XIRP2: variants seen among roughly 807,000 people sequenced by gnomAD.
XIRP2 encodes xin actin-binding repeat-containing protein 2.
Under a neutral mutation model 277.0 loss-of-function variants are expected in XIRP2, and 236 were observed. That is an observed-to-expected ratio of 0.85 (90% CI 0.77 to 0.95). XIRP2 has a LOEUF of 0.95. XIRP2 is among the 40% of genes least tolerant of loss of function. The pLI is 0.00. For missense variants in XIRP2, 4,640 were observed against 4,157.5 expected (o/e 1.12, Z -3.19); for synonymous variants, 1,490 against 1,416.5 (o/e 1.05, Z -1.17).
intron 3 of XIRP2, among the ~76,000 whole-genome samples, chr2:167,141,176 A>G (rs1691707161): frequency 6.6e-6 from 1 of 152,214 alleles, no homozygotes; most frequent in Non-Finnish European, 1.5e-5. Flanking sequence ...CTACCCTGAA[A>G]TTGGAAAAAA....
intron 2 of XIRP2, chr2:167,124,372 G>A (rs1479983355): frequency 6.6e-6 from 1 of 152,100 alleles, no homozygotes; most frequent in Non-Finnish European, 1.5e-5. Flanking sequence ...CCTCTCCCCA[G>A]AGGAGTTAGC....
intron 3 of XIRP2, among the ~76,000 whole-genome samples, chr2:167,165,300 A>G (rs1160651553): frequency 1.3e-5 from 2 of 152,218 alleles, no homozygotes; most frequent in Non-Finnish European, 2.9e-5. Flanking sequence ...TAAACCTGCT[A>G]TGAACATCTA....
chr2:166,967,889 G>A (rs1420470408), intron 2 of XIRP2, among the ~76,000 whole-genome samples: 1 of 151,658 alleles, frequency 6.6e-6, no homozygotes, highest in African/African-American at 2.4e-5. Context: ...TCTACATTTA[G>A]CCAATCTCTT....
At chr2:167,040,723 A>G (rs565576633) in intron 2 of XIRP2, among the ~76,000 whole-genome samples, 5 of 152,164 alleles carry the variant, frequency 3.3e-5, no homozygotes, top group Non-Finnish European at 7.3e-5. Context: ...CCCCTCTACC[A>G]GGGTCCCTGT....
rs1365482308 is a variant in XIRP2 at position 166,903,559 on chromosome 2, G to A, written c.77G>A (p.Cys26Tyr). The change falls in exon 2 of 11, where the codon TGT (cysteine) becomes TAT (tyrosine). Residue 26 changes from cysteine (C) to tyrosine (Y), a missense_variant. Transcript: ENST00000409195. ...TCTTGTGATTATCAGAGAAGTGAGT[G>A]TCATCCCAGGGACAGCCATTGTACA... ...WESCDYQRSE[C>Y]HPRDSHCTIF... The A allele has an allele frequency of 1.9e-6, 3 of 1,613,470 alleles. No homozygotes were observed. Among genetic ancestry groups the A allele is most frequent in the African/African-American group, 1.3e-5 (1 of 74,868 alleles).
Position 167,254,004 on chromosome 2 carries a change from A to G in XIRP2, c.10556-28A>G, listed in dbSNP as rs763344685. On this transcript the variant is annotated intron_variant, in intron 9 of 10. Transcript: ENST00000409195. ...ACAATATGATTGAAGATAACACTACAGAAGGCTTTGTAAATTTTTATTTTT... is the reference window on the plus strand; with the variant it reads ...ACAATATGATTGAAGATAACACTACGGAAGGCTTTGTAAATTTTTATTTTT... The G allele has an allele frequency of 1.9e-6, 3 of 1,569,146 alleles. No homozygotes were observed. The South Asian group carries it at 3.6e-5, about 19-fold the overall frequency.
intron 2 of XIRP2, among the ~76,000 whole-genome samples, chr2:166,936,694 G>C (rs563505949): frequency 3.4e-4 from 52 of 152,086 alleles, no homozygotes; most frequent in Admixed American, 2.6e-3. Flanking sequence ...GCTTGTTTTT[G>C]TCAGGTTTGT....
At chr2:166,997,830 G>A (rs1014518006) in intron 2 of XIRP2, among the ~76,000 whole-genome samples, 5 of 151,870 alleles carry the variant, frequency 3.3e-5, no homozygotes, top group Admixed American at 6.6e-5. Context: ...ACTTGAACCC[G>A]GGAGGCAGAG....
intron 5 of XIRP2, among the ~76,000 whole-genome samples, chr2:167,238,695 A>G (rs911590449): frequency 1.3e-5 from 2 of 152,202 alleles, no homozygotes; most frequent in East Asian, 1.9e-4. Context: ...CTATACTAAG[A>G]CAAATTTTTA....
intron 2 of XIRP2, among the ~76,000 whole-genome samples, chr2:167,084,111 T>A (rs1014416717): frequency 1.3e-5 from 2 of 152,194 alleles, no homozygotes; most frequent in African/African-American, 2.4e-5. Flanking sequence ...TTGAAATACA[T>A]CCCATCAATA....
At chr2:167,020,204 AAAT>A (rs1687941940) in intron 2 of XIRP2, among the ~76,000 whole-genome samples, 1 of 152,012 alleles carries the variant, frequency 6.6e-6, no homozygotes, top group African/African-American at 2.4e-5. Flanking sequence ...TGATCCTAAA[AAAT>A]AATACTAAAA....
At chr2:166,920,182 T>C (rs1393313598) in intron 2 of XIRP2, among the ~76,000 whole-genome samples, 1 of 152,182 alleles carries the variant, frequency 6.6e-6, no homozygotes, top group Non-Finnish European at 1.5e-5. Flanking sequence ...GAAGGCCTCA[T>C]GAGCGCTGCC....
intron 5 of XIRP2, among the ~76,000 whole-genome samples, chr2:167,233,879 C>A (rs1694827269): frequency 1.3e-5 from 2 of 151,540 alleles, no homozygotes; most frequent in Admixed American, 1.3e-4. Flanking sequence ...TAATATACAT[C>A]TACGTAAAAC....
chr2:167,092,523 A>G (rs967748371), intron 2 of XIRP2, among the ~76,000 whole-genome samples: 1 of 152,104 alleles, frequency 6.6e-6, no homozygotes, highest in Non-Finnish European at 1.5e-5. Flanking sequence ...GGGTGGCACT[A>G]TAGTTAACTG....
intron 3 of XIRP2, among the ~76,000 whole-genome samples, chr2:167,179,823 G>T (rs1259874387): frequency 2.0e-5 from 3 of 151,894 alleles, no homozygotes; most frequent in African/African-American, 7.3e-5. Flanking sequence ...GTGTGTGTGT[G>T]TTTTTGTGGA....
intron 2 of XIRP2, among the ~76,000 whole-genome samples, chr2:167,018,044 A>T (rs1433740099): frequency 6.6e-6 from 1 of 152,020 alleles, no homozygotes; most frequent in Non-Finnish European, 1.5e-5. Context: ...TTACAAGAGA[A>T]CCTCTGGCTC....
At chr2:167,162,185 A>T (rs1197562981) in intron 3 of XIRP2, among the ~76,000 whole-genome samples, 2 of 152,006 alleles carry the variant, frequency 1.3e-5, no homozygotes, top group Non-Finnish European at 2.9e-5. Context: ...ACTTTCTCAC[A>T]TTTTCCTGTC....
chr2:167,252,823 C>T (rs931744681), intron 9 of XIRP2, among the ~76,000 whole-genome samples: 2 of 151,894 alleles, frequency 1.3e-5, no homozygotes, highest in African/African-American at 4.8e-5. Flanking sequence ...ATAAAAACTG[C>T]TGAAACTAAT....
intron 5 of XIRP2, among the ~76,000 whole-genome samples, chr2:167,234,765 C>A (rs1469072163): frequency 6.6e-6 from 1 of 151,758 alleles, no homozygotes; most frequent in African/African-American, 2.4e-5. Flanking sequence ...TGCCTTAACT[C>A]TTCTTTTCCC....
Sources: allele counts gnomAD v4.1 joint callset (sites outside exome capture counted in the v4.1 genomes callset), GRCh38; gene constraint gnomAD v4.1.1; transcripts MANE v1.5; gene names NCBI Gene and HGNC (gene_info 2026-07-23, HGNC 2026-07-21).